NAF1: variants seen among roughly 807,000 people sequenced by gnomAD.
The protein encoded by NAF1 is nuclear assembly factor 1 ribonucleoprotein.
Under a neutral mutation model 40.6 loss-of-function variants are expected in NAF1, and 11 were observed. That is an observed-to-expected ratio of 0.27 (90% confidence interval 0.17 to 0.45). The LOEUF (loss-of-function observed/expected upper bound fraction) is 0.45. NAF1 is among the 20% of genes least tolerant of loss of function. The pLI, the probability that NAF1 is intolerant of heterozygous loss-of-function variation, is 1.00. For missense variants in NAF1, 607 were observed against 611.1 expected (o/e 0.99, Z 0.07); for synonymous variants, 260 against 228.5 (o/e 1.14, Z -1.24).
Position 163,145,765 on chromosome 4 carries a change from T to A in NAF1, c.717+17A>T. The A allele has an allele frequency of 6.8e-7, 1 of 1,478,162 alleles. No homozygotes were observed. Among genetic ancestry groups the A allele is most frequent in the Non-Finnish European group, 9.3e-7 (1 of 1,073,542 alleles). The allele number at this position is 1,478,162 out of a possible 1,614,324, so 91.6% of individuals were successfully genotyped here. A position where few individuals can be genotyped will look rare whatever the true frequency, so the allele number is the denominator to read the frequency against. On this transcript the variant is annotated intron_variant, in intron 4 of 7. Transcript: ENST00000274054. Reference sequence around the variant, plus strand: ...AATAAATAGAATAATTTGTAAGATTTGAAATGTTTTACAAACCTTTCCTGC... The same window carrying A: ...AATAAATAGAATAATTTGTAAGATTAGAAATGTTTTACAAACCTTTCCTGC...
At position 163,140,528 on chromosome 4, in the gene NAF1, ATATTT is replaced by A. The variant is rs1731222708; in HGVS notation, c.718-150_718-146del. On this transcript the variant is annotated intron_variant, in intron 4 of 7. Transcript: ENST00000274054. Reference sequence around the variant, plus strand: ...AGGGCAATAAAATAATTTTTTAGTTATATTTATGTCATTTTTACATATTCAGTCTT... The same window carrying A: ...AGGGCAATAAAATAATTTTTTAGTTAATGTCATTTTTACATATTCAGTCTT... 1.4e-5 allele frequency: 9 copies of A among 631,940 alleles called. No homozygotes were observed. The East Asian group carries it at 2.7e-4, about 19-fold the overall frequency. The allele number at this position is 631,940 out of a possible 1,614,324, so 39.1% of individuals were successfully genotyped here.
Position 163,129,326 on chromosome 4 carries a change from A to G in NAF1, c.1056T>C (p.His352=). The change falls in exon 8 of 8, where the codon CAT becomes CAC. Residue 352 remains histidine, a synonymous_variant. Coordinates refer to ENST00000274054, the MANE Select transcript of NAF1 (RefSeq NM_138386.3). ...NEPGEDFTEV[H]QNWNAHSSAS... ...CAGAGCTATGAGCATTCCAATTCTGATGTACTTCAGTAAAATCTTCACCTT... is the reference window on the plus strand; with the variant it reads ...CAGAGCTATGAGCATTCCAATTCTGGTGTACTTCAGTAAAATCTTCACCTT... 6.2e-7 allele frequency: 1 copy of G among 1,610,292 alleles called. No homozygotes were observed. Among genetic ancestry groups the G allele is most frequent in the Non-Finnish European group, 8.5e-7 (1 of 1,176,638 alleles).
At chr4:163,115,290 G>A (rs1338897501) in intron 2 of NAF1, among the ~76,000 whole-genome samples, 2 of 140,346 alleles carry the variant, frequency 1.4e-5, no homozygotes, top group Non-Finnish European at 3.0e-5. Context: ...CTCACTGCAA[G>A]CTCCGCCTCC....
chr4:163,131,592 A>G (rs1481795200), intron 7 of NAF1, among the ~76,000 whole-genome samples: 1 of 152,222 alleles, frequency 6.6e-6, no homozygotes, highest in African/African-American at 2.4e-5. Flanking sequence ...TTAACTCAAA[A>G]TGAATCACAA....
At chr4:163,120,868 A>T in intron 2 of NAF1, among the ~76,000 whole-genome samples, 1 of 152,090 alleles carries the variant, frequency 6.6e-6, no homozygotes, top group East Asian at 1.9e-4. Flanking sequence ...TGCTGCTAGT[A>T]GCTCAAAACA....
chr4:163,151,946 TAAG>T (rs1348191593), intron 2 of NAF1, among the ~76,000 whole-genome samples: 1 of 152,182 alleles, frequency 6.6e-6, no homozygotes, highest in Non-Finnish European at 1.5e-5. Context: ...TGCTTGAACA[TAAG>T]AAAGCATCAT....
intron 2 of NAF1, among the ~76,000 whole-genome samples, chr4:163,151,782 A>AT (rs1378198271): frequency 4.7e-5 from 7 of 150,212 alleles, no homozygotes; most frequent in African/African-American, 9.7e-5. Context: ...TGTTATCAGT[A>AT]TTGATTGAGA....
Position 163,140,338 on chromosome 4 carries a change from G to A in NAF1, c.763C>T (p.Arg255Trp), listed in dbSNP as rs753285587. Residue 255 changes from arginine to tryptophan, a missense_variant, in exon 5 of 8, where the codon CGG (arginine) becomes TGG (tryptophan). Arg to Trp is a moderately radical substitution (Grantham distance 101). Around this residue, in one of 3 missense-constraint regions of NAF1, gnomAD observed 407 missense variants for 365.5 expected, o/e 1.11. Coordinates refer to ENST00000274054, the MANE Select transcript of NAF1 (RefSeq NM_138386.3). The stretch of plus-strand genomic sequence containing the variant: ...TCAATGTGATCTGAAGAATTAAACC[G>A]TAACACATAAAATGGATGTGCAACA... ...GPVAHPFYVL[R>W]FNSSDHIESK... 14 of 1,606,910 alleles carry A rather than the reference G, an allele frequency of 8.7e-6. No homozygotes were observed. Among genetic ancestry groups the A allele is most frequent in the East Asian group, 2.3e-5 (1 of 44,376 alleles).
chr4:163,105,020 T>C, the NAF1 span, among the ~76,000 whole-genome samples: 1 of 152,246 alleles, frequency 6.6e-6, no homozygotes, highest in Non-Finnish European at 1.5e-5. Context: ...TCATCCTTTA[T>C]TAAGTGTTAT....
At chr4:163,114,683 T>C (rs995079926) in intron 2 of NAF1, among the ~76,000 whole-genome samples, 5 of 152,204 alleles carry the variant, frequency 3.3e-5, no homozygotes, top group African/African-American at 1.2e-4. Flanking sequence ...GCAATTTTTC[T>C]TCTTTATAAT....
At chr4:163,165,124 T>C (rs564370844) in intron 1 of NAF1, among the ~76,000 whole-genome samples, 5 of 152,346 alleles carry the variant, frequency 3.3e-5, no homozygotes, top group Admixed American at 2.0e-4. Flanking sequence ...CTAAACTCCA[T>C]GTCCAATCTC....
intron 2 of NAF1, chr4:163,119,661 C>T (rs1730458506): frequency 6.6e-6 from 1 of 152,110 alleles, no homozygotes; most frequent in Non-Finnish European, 1.5e-5. Context: ...GACAGCACTT[C>T]CCAGTGTGTT....
intron 2 of NAF1, 105 bp from the exon 3 acceptor site, chr4:163,148,539 A>C (rs1194401744): frequency 1.4e-6 from 1 of 737,344 alleles, no homozygotes; most frequent in East Asian, 2.8e-5. Context: ...AAATGCTTTA[A>C]GTGCTTAGAG....
Position 163,166,644 on chromosome 4 carries a change from C to T in NAF1, c.84G>A (p.Ala28=), listed in dbSNP as rs930571665. The T allele has an allele frequency of 1.9e-6, 3 of 1,612,984 alleles. No homozygotes were observed. Among genetic ancestry groups the T allele is most frequent in the East Asian group, 2.2e-5 (1 of 44,850 alleles). The change falls in exon 1 of 8, where the codon GCG becomes GCA. Residue 28 remains alanine (A), a synonymous_variant. Coordinates refer to ENST00000274054, the MANE Select transcript of NAF1 (RefSeq NM_138386.3). ...CAGGGGCAGAGCCCGGAGACGGAGC[C>T]GCCGGACCTTCCCCAACTCCAAAGT... ...GTDFGVGEGP[A]APSPGSAPVP...
At chr4:163,164,472 TC>T in intron 1 of NAF1, 81 bp from the exon 2 acceptor site, 2 of 1,006,962 alleles carry the variant, frequency 2.0e-6, no homozygotes, top group South Asian at 4.4e-5. Flanking sequence ...TTAAGAAATA[TC>T]AACTTTAATA....
At chr4:163,115,721 A>G (rs1730317488) in intron 2 of NAF1, among the ~76,000 whole-genome samples, 1 of 152,194 alleles carries the variant, frequency 6.6e-6, no homozygotes, top group African/African-American at 2.4e-5. Flanking sequence ...TTAAATGAGT[A>G]AACAGGAAAA....
chr4:163,151,264 T>C (rs1049561395), intron 2 of NAF1, among the ~76,000 whole-genome samples: 1 of 152,082 alleles, frequency 6.6e-6, no homozygotes, highest in Non-Finnish European at 1.5e-5. Flanking sequence ...TGTAGTCAAG[T>C]ATATATACAT....
intron 2 of NAF1, among the ~76,000 whole-genome samples, chr4:163,150,791 G>A (rs1731668663): frequency 6.6e-6 from 1 of 151,970 alleles, no homozygotes; most frequent in South Asian, 2.1e-4. Flanking sequence ...ATTTTAAGTG[G>A]TCCTGATAGA....
At chr4:163,142,142 G>C (rs1039166844) in intron 4 of NAF1, among the ~76,000 whole-genome samples, 5 of 152,178 alleles carry the variant, frequency 3.3e-5, no homozygotes, top group African/African-American at 1.2e-4. Flanking sequence ...CGTCCAGTAA[G>C]AACTGTGAAG....
Sources: allele counts gnomAD v4.1 joint callset (sites outside exome capture counted in the v4.1 genomes callset), GRCh38; gene constraint gnomAD v4.1.1; regional missense constraint gnomAD v4.1.1; transcripts MANE v1.5; gene names NCBI Gene and HGNC (gene_info 2026-07-23, HGNC 2026-07-21).